Variants in STAM observed in about 807,000 individuals in gnomAD.
STAM encodes signal transducing adaptor molecule, also known as signal transducing adapter molecule 1.
In STAM, 16 loss-of-function variants were observed where a neutral mutation model predicts 63.4. That is an observed-to-expected ratio of 0.25 (90% CI 0.17 to 0.38). The LOEUF (loss-of-function observed/expected upper bound fraction) is 0.38, where lower values mean the gene tolerates loss of function less well. Among genes scored for constraint, STAM ranks in the 10% least tolerant of loss-of-function variants. The pLI is 1.00. For missense variants in STAM, 636 were observed against 657.1 expected, an observed-to-expected ratio of 0.97 and a Z score of 0.35; for synonymous variants, 238 against 223.9, an observed-to-expected ratio of 1.06 and a Z score of -0.56.
rs151003168 is a variant in STAM at position 17,672,575 on chromosome 10, C to T, written c.125+12027C>T. ...ATACCTTGCTGTGCTGAGGGCCATTCTTGCTCGGAGCATGCATATTTTATC... is the reference window on the plus strand; with the variant it reads ...ATACCTTGCTGTGCTGAGGGCCATTTTTGCTCGGAGCATGCATATTTTATC... On this transcript the variant is annotated intron_variant, in intron 2 of 13. Coordinates refer to ENST00000377524, the MANE Select transcript of STAM (RefSeq NM_003473.4). Among the ~76,000 whole-genome samples the T allele has an allele frequency of 3.8e-3, 577 of 152,302 alleles. 3 individuals carry two copies. Among genetic ancestry groups the T allele is most frequent in the African/African-American group, 0.013 (555 of 41,558 alleles).
chr10:17,644,252 T>A lies in STAM; in HGVS notation c.-88T>A. ...TAGAGTCGGTCTCTGTTGCTCTTTT[T>A]GCCTGAGGAGTCTTCCATCCTACGT... On this transcript the variant is annotated 5_prime_UTR_variant, in exon 1 of 14. Transcript: ENST00000377524. The A allele has an allele frequency of 6.9e-7, 1 of 1,455,976 alleles. No homozygotes were observed. The highest frequency in any genetic ancestry group is 1.1e-5 in the South Asian group (1 of 87,084). The allele number at this position is 1,455,976 out of a possible 1,614,324, so 90.2% of individuals were successfully genotyped here. A position where few individuals can be genotyped will look rare whatever the true frequency, so the allele number is the denominator to read the frequency against.
intron 2 of STAM, among the ~76,000 whole-genome samples, chr10:17,683,440 G>A (rs1452867069): frequency 6.6e-6 from 1 of 152,122 alleles, no homozygotes; most frequent in Non-Finnish European, 1.5e-5. Flanking sequence ...GGAATTATAG[G>A]TGTGAGCTGC....
At chr10:17,652,155 C>T (rs943687157) in intron 1 of STAM, among the ~76,000 whole-genome samples, 2 of 152,052 alleles carry the variant, frequency 1.3e-5, no homozygotes, top group South Asian at 2.1e-4. Flanking sequence ...TTCCTTTTCC[C>T]ACAAACCCTG....
intron 1 of STAM, among the ~76,000 whole-genome samples, chr10:17,651,571 G>GT (rs797026422): frequency 2.0e-5 from 3 of 152,162 alleles, no homozygotes; most frequent in African/African-American, 7.2e-5. Flanking sequence ...CCTCTAAGCT[G>GT]TTTTTTCTAA....
intron 12 of STAM, among the ~76,000 whole-genome samples, chr10:17,706,149 TTTAAAA>T (rs1411375323): frequency 2.0e-5 from 3 of 152,122 alleles, no homozygotes; most frequent in African/African-American, 7.2e-5. Context: ...AAAACTAATG[TTTAAAA>T]TTAAAATAAA....
chr10:17,669,216 C>A (rs73603867), intron 2 of STAM, among the ~76,000 whole-genome samples: 3 of 152,018 alleles, frequency 2.0e-5, no homozygotes, highest in African/African-American at 7.2e-5. Flanking sequence ...TGAAATATTT[C>A]TTTTATATAT....
intron 6 of STAM, 48 bp from the exon 7 acceptor site, chr10:17,694,999 CTG>C: frequency 3.2e-6 from 5 of 1,551,634 alleles, no homozygotes; most frequent in Non-Finnish European, 4.4e-6. Flanking sequence ...CTTCTTCAGA[CTG>C]TTGGATATAA....
chr10:17,678,451 A>G (rs1475410959), intron 2 of STAM, among the ~76,000 whole-genome samples: 1 of 152,018 alleles, frequency 6.6e-6, no homozygotes, highest in African/African-American at 2.4e-5. Context: ...ATGAGGTTTC[A>G]CCATGTTGGC....
rs190370023 is a variant in STAM, at chr10:17,661,145, A to G, written c.125+597A>G. On this transcript the variant is annotated intron_variant, in intron 2 of 13. Coordinates refer to ENST00000377524, the MANE Select transcript of STAM (RefSeq NM_003473.4). ...TCTTAAACTTTTTGGCATGTATTAC[A>G]GAGCTTTCCAAACAGTACAGTAATT... Among the ~76,000 whole-genome samples the G allele has an allele frequency of 1.8e-3, 279 of 152,348 alleles. 2 individuals carry two copies. Among genetic ancestry groups the G allele is most frequent in the Non-Finnish European group, 3.1e-3 (209 of 68,026 alleles).
chr10:17,697,397 G>A (rs902722937), intron 8 of STAM, among the ~76,000 whole-genome samples: 5 of 152,298 alleles, frequency 3.3e-5, no homozygotes, highest in African/African-American at 7.2e-5. Context: ...GGTTGGGACC[G>A]TTTCTCTAGT....
chr10:17,688,710 G>A (rs1273516490), intron 5 of STAM, among the ~76,000 whole-genome samples: 4 of 151,770 alleles, frequency 2.6e-5, no homozygotes, highest in Non-Finnish European at 4.4e-5. Flanking sequence ...TGTTCTGCCC[G>A]CCTCGGCCTC....
chr10:17,694,065 C>T (rs1217925223), intron 6 of STAM, among the ~76,000 whole-genome samples: 2 of 151,756 alleles, frequency 1.3e-5, no homozygotes, highest in Non-Finnish European at 2.9e-5. Context: ...TTTGTATATT[C>T]ACTGGTCATT....
intron 2 of STAM, among the ~76,000 whole-genome samples, chr10:17,662,369 C>T (rs1160161427): frequency 6.6e-6 from 1 of 152,150 alleles, no homozygotes; most frequent in Non-Finnish European, 1.5e-5. Flanking sequence ...TCCTTTCAGA[C>T]CCAATGTAGA....
At chr10:17,692,964 G>A (rs530016048) in intron 5 of STAM, among the ~76,000 whole-genome samples, 44 of 152,058 alleles carry the variant, frequency 2.9e-4, no homozygotes, top group Non-Finnish European at 5.0e-4. Flanking sequence ...TGTACCATAT[G>A]CTTTTAGTTG....
At position 17,664,051 on chromosome 10, in the gene STAM, AG is replaced by A. The variant is rs1834279452; in HGVS notation, c.125+3504del. Among the ~76,000 whole-genome samples the A allele has an allele frequency of 4.0e-5, 6 of 151,670 alleles. 1 individual carries two copies. Among genetic ancestry groups the A allele is most frequent in the Admixed American group, 4.0e-4 (6 of 15,168 alleles). On this transcript the variant is annotated intron_variant, in intron 2 of 13. Transcript: ENST00000377524. ...ATTAAAACATTTTCTTTGAAGCAAA[AG>A]TTCACTTTTTTCTTCTTGTTTTAAA...
chr10:17,648,231 A>G (rs1833593527), intron 1 of STAM, among the ~76,000 whole-genome samples: 1 of 152,188 alleles, frequency 6.6e-6, no homozygotes, highest in South Asian at 2.1e-4. Flanking sequence ...GGGGATTGTA[A>G]AATGCACCGA....
In STAM at chr10:17,708,860, C is replaced by G; in HGVS notation, c.1294C>G (p.Pro432Ala). 6.2e-7 allele frequency: 1 copy of G among 1,614,182 alleles called. No homozygotes were observed. The highest frequency in any genetic ancestry group is 8.5e-7 in the Non-Finnish European group (1 of 1,180,018). ...CCACCTCCAGAGCTACAGTCTTCCC[C>G]CGGAGCAGCTGTCTTCTCTCAGCCA... Reference protein sequence around the residue: ...MSHLQSYSLPPEQLSSLSQAV... With the variant: ...MSHLQSYSLPAEQLSSLSQAV... Residue 432 changes from proline (P) to alanine (A), a missense_variant, in exon 13 of 14, where the codon CCG (proline) becomes GCG (alanine). Pro to Ala is a conservative substitution (Grantham distance 27, BLOSUM62 -1). Around this residue, in one of 3 missense-constraint regions of STAM, gnomAD observed 532 missense variants for 536.9 expected, o/e 0.99. Transcript: ENST00000377524.
intron 13 of STAM, among the ~76,000 whole-genome samples, chr10:17,710,809 G>C (rs1836520948): frequency 6.6e-6 from 1 of 152,190 alleles, no homozygotes; most frequent in South Asian, 2.1e-4. Context: ...ACAATTTCAA[G>C]TGCTATATTA....
At chr10:17,675,393 A>G (rs966485209) in intron 2 of STAM, among the ~76,000 whole-genome samples, 1 of 152,032 alleles carries the variant, frequency 6.6e-6, no homozygotes, top group Non-Finnish European at 1.5e-5. Context: ...TATCTCAGCT[A>G]CTTGGAAGGC....
Sources: gnomAD v4.1 joint callset for allele counts (sites outside exome capture counted in the v4.1 genomes callset) on GRCh38, gnomAD v4.1.1 for gene constraint, gnomAD v4.1.1 regional missense constraint, MANE v1.5 for transcripts, NCBI Gene and HGNC (gene_info 2026-07-23, HGNC 2026-07-21) for gene names.